Variants in DENND4C observed in about 807,000 individuals in gnomAD.
The protein encoded by DENND4C is DENN domain containing 4C, also known as DENN domain-containing protein 4C.
A neutral mutation model predicts 203.0 loss-of-function variants in DENND4C; 108 were observed. The ratio of observed to expected loss-of-function variants is 0.53; its 90% CI spans 0.46 to 0.62. The LOEUF (loss-of-function observed/expected upper bound fraction) is 0.62, where lower values mean the gene tolerates loss of function less well. Ranked by LOEUF, DENND4C falls within the 20% of genes least tolerant of loss-of-function variation. DENND4C has a pLI of 0.00. For synonymous variants in DENND4C, 871 were observed against 792.4 expected, an observed-to-expected ratio of 1.10 and a Z score of -1.67; for missense variants, 2,481 against 2,301.2, an observed-to-expected ratio of 1.08 and a Z score of -1.60.
At chr9:19,310,611 G>A (rs559860692) in intron 10 of DENND4C, among the ~76,000 whole-genome samples, 4 of 152,126 alleles carry the variant, frequency 2.6e-5, no homozygotes, top group Admixed American at 2.0e-4. Context: ...ATAAATTAAG[G>A]AATTTACCTT....
intron 1 of DENND4C, among the ~76,000 whole-genome samples, chr9:19,261,919 C>G (rs952369220): frequency 6.6e-6 from 1 of 151,768 alleles, no homozygotes; most frequent in African/African-American, 2.4e-5. Context: ...CTTAGGTTAA[C>G]TTATTAAGTA....
chr9:19,370,376 C>G (rs1299843335), intron 31 of DENND4C, among the ~76,000 whole-genome samples: 1 of 151,984 alleles, frequency 6.6e-6, no homozygotes, highest in Non-Finnish European at 1.5e-5. Flanking sequence ...ATTTCTTGAG[C>G]CCAGGAGGTC....
At chr9:19,369,399 C>T (rs1163546295) in intron 30 of DENND4C, among the ~76,000 whole-genome samples, 1 of 152,054 alleles carries the variant, frequency 6.6e-6, no homozygotes, top group African/African-American at 2.4e-5. Context: ...GGCACACTGC[C>T]ACATAATTTT....
intron 12 of DENND4C, among the ~76,000 whole-genome samples, chr9:19,320,589 A>G (rs1294103034): frequency 6.6e-6 from 1 of 152,226 alleles, no homozygotes; most frequent in African/African-American, 2.4e-5. Flanking sequence ...ATATGAAGGT[A>G]GTGGTTACTG....
At chr9:19,304,176 A>G (rs1839180135) in intron 9 of DENND4C, among the ~76,000 whole-genome samples, 1 of 134,442 alleles carries the variant, frequency 7.4e-6, no homozygotes, top group African/African-American at 2.7e-5. Flanking sequence ...AGATAGAGGA[A>G]TATTTTATAT....
Position 19,328,937 on chromosome 9 carries a change from T to C in DENND4C, c.2253+775T>C, listed in dbSNP as rs1387365232. ...GTGGTTGCATGCCTGTAATCCCAGC[T>C]ACTGGGGAGGCTGAGACAGGAGAAT... On this transcript the variant is annotated intron_variant, in intron 16 of 32. Coordinates refer to ENST00000434457, the MANE Select transcript of DENND4C (RefSeq NM_001330640.2). 2.0e-4 allele frequency among the ~76,000 whole-genome samples: 30 copies of C among 151,954 alleles called. 1 individual carries two copies. Among genetic ancestry groups the C allele is most frequent in the Admixed American group, 2.0e-3 (30 of 15,242 alleles).
intron 1 of DENND4C, among the ~76,000 whole-genome samples, chr9:19,244,622 C>T (rs141808674): frequency 6.6e-6 from 1 of 151,750 alleles, no homozygotes; most frequent in Admixed American, 6.6e-5. Context: ...TGACTGTAGT[C>T]TCAGCTACTT....
chr9:19,290,910 G>T lies in DENND4C; in HGVS notation c.801+34G>T, dbSNP rs771151672. On this transcript the variant is annotated intron_variant, in intron 5 of 32. Transcript: ENST00000434457. ...TTGTCTCATTGATTAAACACATTTT[G>T]TCCATGTTTTTATTTCATAAAAAGG... 6 of 1,575,686 alleles carry T rather than the reference G, an allele frequency of 3.8e-6. No homozygotes were observed. In the Admixed American group the frequency reaches 7.1e-5, roughly 19 times the overall value.
At chr9:19,361,039 A>G (rs1271724728) in intron 29 of DENND4C, among the ~76,000 whole-genome samples, 1 of 151,864 alleles carries the variant, frequency 6.6e-6, no homozygotes, top group Non-Finnish European at 1.5e-5. Flanking sequence ...ACATCCAGTT[A>G]ATTTTTGTAT....
At chr9:19,249,699 G>A (rs1459524589) in intron 1 of DENND4C, among the ~76,000 whole-genome samples, 1 of 152,154 alleles carries the variant, frequency 6.6e-6, no homozygotes, top group African/African-American at 2.4e-5. Context: ...GTGTGTGTTT[G>A]TTTTTGACAT....
chr9:19,346,524 C>A lies in DENND4C; in HGVS notation c.3755C>A (p.Pro1252His). The A allele has an allele frequency of 6.2e-7, 1 of 1,614,106 alleles. No homozygotes were observed. The highest frequency in any genetic ancestry group is 8.5e-7 in the Non-Finnish European group (1 of 1,180,018). Residue 1252 changes from proline (P) to histidine (H), a missense_variant, in exon 23 of 33, where the codon CCT (proline) becomes CAT (histidine). Physicochemically the swap from Pro to His is moderately conservative, Grantham distance 77 (BLOSUM62 -2). Coordinates refer to ENST00000434457, the MANE Select transcript of DENND4C (RefSeq NM_001330640.2). ...GAAGATGTTGAAACTGGACTAGATC[C>A]TTTGTCTCTTTTAGCCACTGAATGT... ...QREDVETGLD[P>H]LSLLATECTG...
At chr9:19,291,177 G>C (rs1836218493) in intron 5 of DENND4C, among the ~76,000 whole-genome samples, 2 of 152,174 alleles carry the variant, frequency 1.3e-5, no homozygotes, top group East Asian at 3.9e-4. Context: ...AGAATCGACA[G>C]ACACAATTAA....
intron 12 of DENND4C, among the ~76,000 whole-genome samples, chr9:19,318,848 C>T (rs769723363): frequency 2.0e-5 from 3 of 152,026 alleles, no homozygotes; most frequent in Non-Finnish European, 4.4e-5. Flanking sequence ...AGTTACATTC[C>T]GAGGTACTAG....
rs1833082026 is a variant in DENND4C, at chr9:19,277,335, C to T, written c.305+856C>T. Among the ~76,000 whole-genome samples, 3 of 152,000 alleles carry T rather than the reference C, an allele frequency of 2.0e-5. No individual in the cohort carries two copies. The South Asian group carries it at 6.2e-4, about 32-fold the overall frequency. On this transcript the variant is annotated intron_variant, in intron 2 of 32. Transcript: ENST00000434457. ...TCAGCTTGTGAACGTGGAATGTTTT[C>T]CATTGGTTTAGGTCTTCTTTAATTT...
intron 18 of DENND4C, 21 bp downstream of exon 18, chr9:19,335,126 G>T (rs754135354): frequency 2.1e-5 from 31 of 1,497,504 alleles, no homozygotes; most frequent in Non-Finnish European, 2.8e-5. Flanking sequence ...TCGACATTAG[G>T]CAAGATGTGG....
At chr9:19,264,885 T>C (rs143893703) in intron 1 of DENND4C, among the ~76,000 whole-genome samples, 1 of 152,176 alleles carries the variant, frequency 6.6e-6, no homozygotes, top group African/African-American at 2.4e-5. Flanking sequence ...TTAGGTTGTT[T>C]ATTTGAAGTT....
In DENND4C at chr9:19,342,124, C is replaced by CAAA. The variant is rs34191941; in HGVS notation, c.3005-488_3005-486dup. Among the ~76,000 whole-genome samples the CAAA allele has an allele frequency of 5.0e-3, 307 of 61,794 alleles. 9 individuals carry two copies. Among genetic ancestry groups the CAAA allele is most frequent in the African/African-American group, 0.016 (286 of 18,010 alleles). 40.5% of individuals were successfully genotyped at this position (61,794 alleles called of 152,430 possible). A position where few individuals can be genotyped will look rare whatever the true frequency, so the allele number is the denominator to read the frequency against. ...GGGCGACAAGAGCAAGACTCCATCT[C>CAAA]AAAAAAAAAAAAAAAAAAAAAAAGT... On this transcript the variant is annotated intron_variant, in intron 21 of 32. Transcript: ENST00000434457.
At chr9:19,281,919 TA>T (rs1255464828) in intron 2 of DENND4C, among the ~76,000 whole-genome samples, 1 of 152,190 alleles carries the variant, frequency 6.6e-6, no homozygotes. Flanking sequence ...AAATCTGGCA[TA>T]AAAAATAAGT....
chr9:19,298,714 C>T (rs939045268), intron 7 of DENND4C, among the ~76,000 whole-genome samples: 20 of 152,080 alleles, frequency 1.3e-4, no homozygotes, highest in African/African-American at 4.6e-4. Flanking sequence ...CTTTCTGGAC[C>T]ATAACAATTA....
Sources: gnomAD v4.1 joint callset for allele counts (sites outside exome capture counted in the v4.1 genomes callset) on GRCh38, gnomAD v4.1.1 for gene constraint, MANE v1.5 for transcripts, NCBI Gene and HGNC (gene_info 2026-07-23, HGNC 2026-07-21) for gene names.